The following TNFRSF21 variants were observed in gnomAD, a reference collection of about 807,000 sequenced individuals.
TNFRSF21 encodes TNF receptor superfamily member 21.
A neutral mutation model predicts 45.6 loss-of-function variants in TNFRSF21; 19 were observed. That is an observed-to-expected ratio of 0.42 (90% CI 0.29 to 0.61). The LOEUF (loss-of-function observed/expected upper bound fraction) is 0.61, where lower values mean the gene tolerates loss of function less well. Among genes scored for constraint, TNFRSF21 ranks in the 20% least tolerant of loss-of-function variants. The pLI, the probability that TNFRSF21 is intolerant of heterozygous loss-of-function variation, is 0.23. For missense variants in TNFRSF21, 737 were observed against 851.5 expected, an observed-to-expected ratio of 0.87 and a Z score of 1.67; for synonymous variants, 314 against 335.5, an observed-to-expected ratio of 0.94 and a Z score of 0.70.
chr6:47,257,211 A>G (rs1428149180), intron 3 of TNFRSF21, among the ~76,000 whole-genome samples: 1 of 151,966 alleles, frequency 6.6e-6, no homozygotes, highest in African/African-American at 2.4e-5. Flanking sequence ...TTTTTAAGCC[A>G]CAAAATAAAG....
intron 3 of TNFRSF21, among the ~76,000 whole-genome samples, chr6:47,267,839 C>T (rs1468094105): frequency 6.6e-6 from 1 of 152,166 alleles, no homozygotes; most frequent in Non-Finnish European, 1.5e-5. Context: ...CACTATGCTG[C>T]CTCCCAGGGT....
Position 47,286,613 on chromosome 6 carries a change from G to C in TNFRSF21, c.97-18C>G, listed in dbSNP as rs368754259. ...AATCCAAGCTGAAAGAAACAGAAGG[G>C]GAGGGAAAGGAACAAAAACCAAGAA... On this transcript the variant is annotated intron_variant, in intron 1 of 5. Coordinates refer to ENST00000296861, the MANE Select transcript of TNFRSF21 (RefSeq NM_014452.5). The C allele has an allele frequency of 1.9e-6, 3 of 1,578,416 alleles. No individual in the cohort carries two copies. The highest frequency in any genetic ancestry group is 3.6e-5 in the Admixed American group (2 of 56,270).
intron 4 of TNFRSF21, among the ~76,000 whole-genome samples, chr6:47,242,321 A>C (rs1043919539): frequency 6.6e-6 from 1 of 152,186 alleles, no homozygotes; most frequent in Admixed American, 6.5e-5. Context: ...ATGAAGTTAG[A>C]CTAGGTTAGC....
Position 47,262,828 on chromosome 6 carries a change from T to C in TNFRSF21, c.1244-9307A>G, listed in dbSNP as rs1005036856. Among the ~76,000 whole-genome samples, 9 of 151,702 alleles carry C rather than the reference T, an allele frequency of 5.9e-5. No individual in the cohort carries two copies. In the South Asian group the frequency reaches 1.5e-3, roughly 25 times the overall value. ...AGAGGAGTCGCAGAGAGAGAAAAAATTGGAGTCAGGAGAGTGCAGATCACA... is the reference window on the plus strand; with the variant it reads ...AGAGGAGTCGCAGAGAGAGAAAAAACTGGAGTCAGGAGAGTGCAGATCACA... On this transcript the variant is annotated intron_variant, in intron 3 of 5. Transcript: ENST00000296861.
Position 47,234,627 on chromosome 6 carries a change from G to T in TNFRSF21, c.1738+43C>A, listed in dbSNP as rs370974206. The T allele has an allele frequency of 2.5e-5, 38 of 1,496,598 alleles. No individual in the cohort carries two copies. In the South Asian group the frequency reaches 4.3e-4, roughly 17 times the overall value. The allele number at this position is 1,496,598 out of a possible 1,614,324, so 92.7% of individuals were successfully genotyped here. ...AGGGACGAATCCCAGGGGCTCTTTG[G>T]GGGGTTTAAGTGCGTGTGTGAGGTC... On this transcript the variant is annotated intron_variant, in intron 5 of 5. Coordinates refer to ENST00000296861, the MANE Select transcript of TNFRSF21 (RefSeq NM_014452.5).
chr6:47,246,330 T>G (rs1764824760), intron 4 of TNFRSF21, among the ~76,000 whole-genome samples: 1 of 152,202 alleles, frequency 6.6e-6, no homozygotes, highest in Non-Finnish European at 1.5e-5. Flanking sequence ...AAATAGTTGC[T>G]AAGATTTACT....
chr6:47,267,841 T>G (rs1256988038), intron 3 of TNFRSF21, among the ~76,000 whole-genome samples: 1 of 152,160 alleles, frequency 6.6e-6, no homozygotes, highest in Non-Finnish European at 1.5e-5. Context: ...CTATGCTGCC[T>G]CCCAGGGTGA....
At chr6:47,255,644 T>C (rs1049649477) in intron 3 of TNFRSF21, among the ~76,000 whole-genome samples, 2 of 152,070 alleles carry the variant, frequency 1.3e-5, no homozygotes. Flanking sequence ...GTATTTTTAG[T>C]AGAGATGAGG....
intron 4 of TNFRSF21, among the ~76,000 whole-genome samples, chr6:47,243,487 G>T (rs1055823949): frequency 9.9e-5 from 15 of 151,650 alleles, no homozygotes; most frequent in Admixed American, 5.3e-4. Context: ...GTGCAATCTC[G>T]GCTCACTGCA....
intron 4 of TNFRSF21, among the ~76,000 whole-genome samples, chr6:47,239,285 CAAAAAAAAA>C (rs548172761): frequency 2.8e-4 from 16 of 57,366 alleles, no homozygotes; most frequent in African/African-American, 8.0e-4. Context: ...GACTCCATCT[CAAAAAAAAA>C]AAAAAAAAAA....
At chr6:47,263,012 A>C (rs539864603) in intron 3 of TNFRSF21, among the ~76,000 whole-genome samples, 1 of 152,320 alleles carries the variant, frequency 6.6e-6, no homozygotes, top group South Asian at 2.1e-4. Flanking sequence ...GCAACCAGTT[A>C]GAGGCCACAG....
chr6:47,279,123 G>A (rs1762534281), intron 3 of TNFRSF21, among the ~76,000 whole-genome samples: 1 of 152,128 alleles, frequency 6.6e-6, no homozygotes, highest in Admixed American at 6.6e-5. Flanking sequence ...TACTTTCAGG[G>A]CAATTCCTAC....
chr6:47,237,325 C>G (rs998601395), intron 4 of TNFRSF21, among the ~76,000 whole-genome samples: 4 of 152,114 alleles, frequency 2.6e-5, no homozygotes, highest in African/African-American at 7.2e-5. Flanking sequence ...TCTTTCCGTG[C>G]TTTACCATAA....
intron 1 of TNFRSF21, among the ~76,000 whole-genome samples, chr6:47,292,190 A>C (rs1307504855): frequency 6.6e-6 from 1 of 152,200 alleles, no homozygotes; most frequent in Admixed American, 6.5e-5. Flanking sequence ...TAATGCTAGG[A>C]AAACACCTGA....
In TNFRSF21 at chr6:47,297,482, G is replaced by T. The variant is rs572775257; in HGVS notation, c.97-10887C>A. Among the ~76,000 whole-genome samples the T allele has an allele frequency of 2.7e-5, 4 of 149,208 alleles. No individual in the cohort carries two copies. In the South Asian group the frequency reaches 8.6e-4, roughly 32 times the overall value. Reference sequence around the variant, plus strand: ...ACTTTTATTTTTCAAATTTTCTAACGAGTGATGGAAAATCCTTTCTCTTTT... The same window carrying T: ...ACTTTTATTTTTCAAATTTTCTAACTAGTGATGGAAAATCCTTTCTCTTTT... On this transcript the variant is annotated intron_variant, in intron 1 of 5. Transcript: ENST00000296861.
chr6:47,253,072 G>A (rs947320199), intron 4 of TNFRSF21, among the ~76,000 whole-genome samples, 184 bp downstream of exon 4: 17 of 151,856 alleles, frequency 1.1e-4, no homozygotes, highest in African/African-American at 2.9e-4. Flanking sequence ...TCTAATAGAC[G>A]GCCACTGAGA....
intron 1 of TNFRSF21, among the ~76,000 whole-genome samples, chr6:47,307,587 A>G (rs145361226): frequency 1.0e-3 from 156 of 152,222 alleles, no homozygotes; most frequent in Non-Finnish European, 1.5e-3. Flanking sequence ...TTGCCCAGGC[A>G]AATCTCGAAC....
chr6:47,300,975 A>G (rs910128940), intron 1 of TNFRSF21, among the ~76,000 whole-genome samples: 3 of 152,248 alleles, frequency 2.0e-5, no homozygotes, highest in African/African-American at 7.2e-5. Flanking sequence ...ACAAGCAGGT[A>G]CATACACATT....
At chr6:47,287,036 A>C (rs1031536203) in intron 1 of TNFRSF21, among the ~76,000 whole-genome samples, 7 of 152,110 alleles carry the variant, frequency 4.6e-5, no homozygotes, top group Non-Finnish European at 8.8e-5. Context: ...GCCTTACATC[A>C]CATCTGTAAT....
Sources: gnomAD v4.1 joint callset for allele counts (sites outside exome capture counted in the v4.1 genomes callset) on GRCh38, gnomAD v4.1.1 for gene constraint, MANE v1.5 for transcripts, NCBI Gene and HGNC (gene_info 2026-07-23, HGNC 2026-07-21) for gene names.